Variants in RABGEF1 observed in about 807,000 individuals in gnomAD.
The protein encoded by RABGEF1 is rab5 GDP/GTP exchange factor.
In RABGEF1, 26 loss-of-function variants were observed where a neutral mutation model predicts 57.3. The ratio of observed to expected loss-of-function variants is 0.45; its 90% CI spans 0.33 to 0.63. The LOEUF is 0.63. Among genes scored for constraint, RABGEF1 ranks in the 20% least tolerant of loss-of-function variants. The pLI is 0.02. For synonymous variants in RABGEF1, 185 were observed against 210.7 expected (o/e 0.88, Z 1.06); for missense variants, 464 against 607.6 (o/e 0.76, Z 2.48).
At chr7:66,739,585 C>T (rs565467579), upstream of RABGEF1, among the ~76,000 whole-genome samples, 3 of 146,782 alleles carry the variant, frequency 2.0e-5, no homozygotes, top group South Asian at 2.2e-4. Context: ...TCGCTTGAAC[C>T]TAGGAGGCGG....
chr7:66,788,782 C>T (rs1199694166), intron 4 of RABGEF1, among the ~76,000 whole-genome samples: 2 of 151,752 alleles, frequency 1.3e-5, no homozygotes, highest in Non-Finnish European at 2.9e-5. Context: ...AGTGAAATCC[C>T]GTCTCTACTA....
chr7:66,732,527 C>T (rs1223579596), intron 2 of RABGEF1, among the ~76,000 whole-genome samples: 1 of 152,058 alleles, frequency 6.6e-6, no homozygotes, highest in Non-Finnish European at 1.5e-5. Flanking sequence ...TGTCCCCAGT[C>T]ACTCACCCTC....
intron 8 of RABGEF1, among the ~76,000 whole-genome samples, chr7:66,805,868 C>T (rs1788320114): frequency 6.6e-6 from 1 of 151,944 alleles, no homozygotes; most frequent in South Asian, 2.1e-4. Context: ...CCTCAGCCTG[C>T]TGTGAAGCTG....
intron 1 of RABGEF1, among the ~76,000 whole-genome samples, chr7:66,743,098 A>G (rs2129050426): frequency 6.6e-6 from 1 of 152,190 alleles, no homozygotes; most frequent in African/African-American, 2.4e-5. Flanking sequence ...TCACGAGGTC[A>G]GGAGTTTGAG....
upstream of RABGEF1, chr7:66,740,352 T>G (rs1168399363): frequency 6.6e-6 from 1 of 152,264 alleles, no homozygotes; most frequent in Non-Finnish European, 1.5e-5. Flanking sequence ...CTCGGCGCAG[T>G]AGCTCCGCTC....
chr7:66,770,800 T>C (rs1308729496), intron 1 of RABGEF1, among the ~76,000 whole-genome samples: 1 of 152,198 alleles, frequency 6.6e-6, no homozygotes, highest in African/African-American at 2.4e-5. Flanking sequence ...TGTTTTTTTT[T>C]ACAGTAGCCA....
chr7:66,695,909 T>G (rs1440638627), intron 1 of RABGEF1, among the ~76,000 whole-genome samples: 3 of 151,322 alleles, frequency 2.0e-5, no homozygotes, highest in African/African-American at 7.3e-5. Context: ...GAGGTTGCAG[T>G]GAGCTGAGAT....
intron 3 of RABGEF1, among the ~76,000 whole-genome samples, chr7:66,780,971 G>GT (rs1460151967): frequency 1.3e-5 from 2 of 152,018 alleles, no homozygotes; most frequent in Non-Finnish European, 2.9e-5. Context: ...GTGGGGTCTT[G>GT]TTTTTTTAAC....
intron 4 of RABGEF1, among the ~76,000 whole-genome samples, chr7:66,794,408 A>T (rs1351022660): frequency 6.6e-6 from 1 of 151,756 alleles, no homozygotes; most frequent in Non-Finnish European, 1.5e-5. Flanking sequence ...CTCTAGCCTC[A>T]ACCTCCCAGA....
At chr7:66,663,793 G>T in the RABGEF1 span, among the ~76,000 whole-genome samples, 31 of 152,076 alleles carry the variant, frequency 2.0e-4, no homozygotes, top group Non-Finnish European at 4.1e-4. Context: ...AGTGTGAATC[G>T]CTGGGCATGG....
chr7:66,781,188 G>A (rs1809802954), intron 3 of RABGEF1, among the ~76,000 whole-genome samples: 1 of 151,218 alleles, frequency 6.6e-6, no homozygotes, highest in South Asian at 2.1e-4. Flanking sequence ...TCTTTGTTCT[G>A]TTTTGTTTTT....
In RABGEF1 at chr7:66,801,678, C is replaced by T. The variant is rs527287560; in HGVS notation, c.820+2264C>T. 5.8e-4 allele frequency among the ~76,000 whole-genome samples: 89 copies of T among 152,250 alleles called. 1 individual carries two copies. The South Asian group carries it at 0.011, about 19-fold the overall frequency. ...GGCTTATTTCACTTAACATAATATCCTCCTGTTTCATCCATGTTGTTGCAA... is the reference window on the plus strand; with the variant it reads ...GGCTTATTTCACTTAACATAATATCTTCCTGTTTCATCCATGTTGTTGCAA... On this transcript the variant is annotated intron_variant, in intron 7 of 8. Transcript: ENST00000284957.
the RABGEF1 span, chr7:66,667,607 T>C: frequency 6.6e-6 from 1 of 152,232 alleles, no homozygotes; most frequent in Non-Finnish European, 1.5e-5. Flanking sequence ...TGGTTTTACT[T>C]TCTGTAAGTG....
chr7:66,713,954 G>T (rs943268970), intron 2 of RABGEF1, among the ~76,000 whole-genome samples: 2 of 152,092 alleles, frequency 1.3e-5, no homozygotes, highest in African/African-American at 4.8e-5. Flanking sequence ...TTATATATTG[G>T]TGCATTCTGT....
At chr7:66,701,652 G>T (rs1793286906) in intron 1 of RABGEF1, among the ~76,000 whole-genome samples, 1 of 151,944 alleles carries the variant, frequency 6.6e-6, no homozygotes, top group African/African-American at 2.4e-5. Context: ...GGGATTACAG[G>T]TGCCTGCCAC....
intron 4 of RABGEF1, among the ~76,000 whole-genome samples, chr7:66,791,637 C>T (rs1812687728): frequency 6.6e-6 from 1 of 152,046 alleles, no homozygotes. Context: ...AAAACATAGG[C>T]AAGGAAAATA....
At chr7:66,731,825 G>C (rs145579105) in intron 2 of RABGEF1, among the ~76,000 whole-genome samples, 1 of 152,312 alleles carries the variant, frequency 6.6e-6, no homozygotes, top group African/African-American at 2.4e-5. Context: ...TTATGTCATA[G>C]TGGAGAAACT....
At chr7:66,686,455 G>A (rs1246930604) in intron 1 of RABGEF1, among the ~76,000 whole-genome samples, 1 of 152,130 alleles carries the variant, frequency 6.6e-6, no homozygotes, top group Non-Finnish European at 1.5e-5. Context: ...CTGCGTGACA[G>A]AGTGATACCC....
chr7:66,659,301 A>C, the RABGEF1 span, among the ~76,000 whole-genome samples: 5 of 151,840 alleles, frequency 3.3e-5, no homozygotes, highest in Middle Eastern at 3.4e-3. Flanking sequence ...AAATAAAGAA[A>C]ATTAGCTAGG....
Sources: gnomAD v4.1 joint callset for allele counts (sites outside exome capture counted in the v4.1 genomes callset) on GRCh38, gnomAD v4.1.1 for gene constraint, MANE v1.5 for transcripts, NCBI Gene and HGNC (gene_info 2026-07-23, HGNC 2026-07-21) for gene names.